Variants in ATAD5 observed in about 807,000 individuals in gnomAD.
ATAD5 encodes the protein ATPase family AAA domain-containing protein 5.
Under a neutral mutation model 176.9 loss-of-function variants are expected in ATAD5, and 58 were observed. The observed-to-expected ratio is 0.33, with a 90% confidence interval of 0.27 to 0.41. The LOEUF (loss-of-function observed/expected upper bound fraction) is 0.41, where lower values mean the gene tolerates loss of function less well. Among genes scored for constraint, ATAD5 ranks in the 10% least tolerant of loss-of-function variants. ATAD5 has a pLI of 1.00. For synonymous variants in ATAD5, 640 were observed against 712.6 expected, an observed-to-expected ratio of 0.90 and a Z score of 1.62; for missense variants, 1,789 against 2,094.1, an observed-to-expected ratio of 0.85 and a Z score of 2.84.
chr17:30,887,862 C>A (rs113934718), intron 19 of ATAD5, among the ~76,000 whole-genome samples: 35,889 of 151,882 alleles, frequency 0.24, 4,376 homozygotes, highest in Middle Eastern at 0.28. Flanking sequence ...GATGGAGTCT[C>A]GCACTGTTGC....
chr17:30,864,787 C>G (rs1907872096), intron 10 of ATAD5: 1 of 152,200 alleles, frequency 6.6e-6, no homozygotes, highest in African/African-American at 2.4e-5. Flanking sequence ...ATAATAGCCT[C>G]CAGCTGCAAC....
chr17:30,881,609 T>C (rs1423658261), intron 18 of ATAD5, among the ~76,000 whole-genome samples: 1 of 152,012 alleles, frequency 6.6e-6, no homozygotes, highest in Non-Finnish European at 1.5e-5. Flanking sequence ...GACCCTGTTC[T>C]TACTTTTAAA....
chr17:30,870,481 A>G (rs928705847), intron 14 of ATAD5, among the ~76,000 whole-genome samples: 9 of 152,090 alleles, frequency 5.9e-5, no homozygotes, highest in Non-Finnish European at 1.2e-4. Flanking sequence ...TGGCATACAT[A>G]TACAGGTGGC....
intron 14 of ATAD5, among the ~76,000 whole-genome samples, chr17:30,872,121 G>A (rs892010313): frequency 1.3e-5 from 2 of 152,026 alleles, no homozygotes; most frequent in Non-Finnish European, 2.9e-5. Flanking sequence ...TTGCTGTGTT[G>A]TCAGGCTAGT....
At chr17:30,852,600 G>A (rs1003590466) in intron 6 of ATAD5, among the ~76,000 whole-genome samples, 1 of 152,124 alleles carries the variant, frequency 6.6e-6, no homozygotes, top group African/African-American at 2.4e-5. Context: ...TCACAGCTCT[G>A]TAGATTGTAC....
intron 9 of ATAD5, among the ~76,000 whole-genome samples, chr17:30,859,622 A>T (rs529129964): frequency 6.6e-6 from 1 of 152,088 alleles, no homozygotes; most frequent in East Asian, 1.9e-4. Flanking sequence ...CAGCCTCCCA[A>T]ATTGCTGGGA....
intron 2 of ATAD5, among the ~76,000 whole-genome samples, chr17:30,836,789 A>C (rs1289796214): frequency 6.6e-6 from 1 of 151,774 alleles, no homozygotes; most frequent in Non-Finnish European, 1.5e-5. Flanking sequence ...GCCAGTCTCG[A>C]ACTCCTGACC....
chr17:30,862,260 G>A (rs1907681874), intron 10 of ATAD5, among the ~76,000 whole-genome samples: 1 of 151,042 alleles, frequency 6.6e-6, no homozygotes, highest in Admixed American at 6.6e-5. Context: ...CTTGAACCTG[G>A]GAGGCGGAGG....
At chr17:30,847,329 G>T (rs7406773) in intron 6 of ATAD5, among the ~76,000 whole-genome samples, 84,979 of 140,030 alleles carry the variant, frequency 0.61, 24,845 homozygotes, top group East Asian at 0.87. Flanking sequence ...TATATATATA[G>T]AGAGAGAGAG....
intron 9 of ATAD5, among the ~76,000 whole-genome samples, chr17:30,859,924 A>G (rs1010895358): frequency 6.8e-6 from 1 of 147,120 alleles, no homozygotes; most frequent in Non-Finnish European, 1.5e-5. Context: ...GGGTTTCAAC[A>G]TGTTGGCCAG....
chr17:30,854,306 A>C (rs991466921), intron 6 of ATAD5, among the ~76,000 whole-genome samples: 20 of 147,686 alleles, frequency 1.4e-4, no homozygotes, highest in East Asian at 1.2e-3. Flanking sequence ...TATTTAGGTA[A>C]ATTTATTACC....
chr17:30,885,641 T>TG (rs1250628449), intron 18 of ATAD5, among the ~76,000 whole-genome samples: 1 of 135,694 alleles, frequency 7.4e-6, no homozygotes, highest in Non-Finnish European at 1.6e-5. Flanking sequence ...TTTTTTTTTT[T>TG]TTTTTTGGTT....
intron 17 of ATAD5, among the ~76,000 whole-genome samples, chr17:30,878,718 G>GGTT (rs1908812554): frequency 1.8e-5 from 1 of 56,834 alleles, no homozygotes; most frequent in African/African-American, 6.6e-5. Context: ...GTTAGGTGGT[G>GGTT]TTTTTTTTTT....
At chr17:30,859,499 G>A (rs1434784427) in intron 9 of ATAD5, among the ~76,000 whole-genome samples, 1 of 151,996 alleles carries the variant, frequency 6.6e-6, no homozygotes, top group East Asian at 1.9e-4. Context: ...AGCTGAGATT[G>A]CAGGCACCTG....
intron 2 of ATAD5, among the ~76,000 whole-genome samples, chr17:30,836,533 A>C (rs1005516899): frequency 1.3e-5 from 2 of 151,486 alleles, no homozygotes; most frequent in Non-Finnish European, 2.9e-5. Flanking sequence ...CATGTAATTA[A>C]ATTTTTTTTT....
rs1004100672 is a variant in ATAD5, at chr17:30,835,969, G to A, written c.1888G>A (p.Ala630Thr). 6.2e-7 allele frequency: 1 copy of A among 1,614,058 alleles called. No homozygotes were observed. The highest frequency in any genetic ancestry group is 1.3e-5 in the African/African-American group (1 of 75,054). ...NSQLKASTQK[A>T]ANLSEKHSLY... is the part of the protein sequence containing the mutation. ...TCAACTAAAGGCTTCCACTCAAAAA[G>A]CAGCCAACTTATCGGAAAAGCACAG... The change falls in exon 2 of 23, where the codon GCA (alanine) becomes ACA (threonine). Residue 630 changes from alanine to threonine, a missense_variant. Physicochemically the swap from Ala to Thr is moderately conservative, Grantham distance 58. Around this residue, in one of 6 missense-constraint regions of ATAD5, gnomAD observed 487 missense variants for 573.6 expected, o/e 0.85. Coordinates refer to ENST00000321990, the MANE Select transcript of ATAD5 (RefSeq NM_024857.5).
intron 14 of ATAD5, among the ~76,000 whole-genome samples, chr17:30,871,473 G>A (rs532129783): frequency 2.0e-5 from 3 of 151,486 alleles, no homozygotes; most frequent in South Asian, 2.1e-4. Flanking sequence ...TCAGCCTCCC[G>A]AGTAGCTGGG....
intron 4 of ATAD5, among the ~76,000 whole-genome samples, chr17:30,842,023 C>T (rs1030146307): frequency 2.0e-5 from 3 of 152,144 alleles, no homozygotes; most frequent in Non-Finnish European, 4.4e-5. Flanking sequence ...GTAATCCCAG[C>T]ACTTTGAGAG....
At chr17:30,863,612 C>T (rs1907783819) in intron 10 of ATAD5, among the ~76,000 whole-genome samples, 1 of 150,740 alleles carries the variant, frequency 6.6e-6, no homozygotes, top group African/African-American at 2.4e-5. Context: ...GTGATCCACC[C>T]TCCTCAGCCT....
Sources: allele counts gnomAD v4.1 joint callset (sites outside exome capture counted in the v4.1 genomes callset), GRCh38; gene constraint gnomAD v4.1.1; regional missense constraint gnomAD v4.1.1; transcripts MANE v1.5; gene names NCBI Gene and HGNC (gene_info 2026-07-23, HGNC 2026-07-21).